DOCK10: variants seen among roughly 807,000 people sequenced by gnomAD.
The protein encoded by DOCK10 is dedicator of cytokinesis protein 10.
A neutral mutation model predicts 280.1 loss-of-function variants in DOCK10; 145 were observed. That is an observed-to-expected ratio of 0.52 (90% CI 0.45 to 0.59). The LOEUF (loss-of-function observed/expected upper bound fraction) is 0.59. Among genes scored for constraint, DOCK10 ranks in the 20% least tolerant of loss-of-function variants. The probability of loss-of-function intolerance (pLI) is 0.00; values close to 1 mark genes in which losing one functional copy is unlikely to be tolerated. For synonymous variants in DOCK10, 915 were observed against 942.2 expected (o/e 0.97, Z 0.53); for missense variants, 2,368 against 2,651.7 (o/e 0.89, Z 2.35).
In DOCK10 at chr2:224,778,234, C is replaced by T. The variant is rs376017893; in HGVS notation, c.5706G>A (p.Lys1902=). 9 of 1,610,284 alleles carry T rather than the reference C, an allele frequency of 5.6e-6. No homozygotes were observed. Among genetic ancestry groups the T allele is most frequent in the Non-Finnish European group, 6.8e-6 (8 of 1,177,896 alleles). The part of the protein sequence containing the change: ...EGKEYIYKEP[K]LTGLSEISQR... ...GGGAAATCTCGGACAGACCTGTCAG[C>T]TTAGGCTCTTTATAAATATACTCTT... Residue 1902 remains lysine, a synonymous_variant, in exon 51 of 56, where the codon AAG becomes AAA. Coordinates refer to ENST00000258390, the MANE Select transcript of DOCK10 (RefSeq NM_014689.3).
rs1041567593 is a variant in DOCK10, at chr2:224,970,490, G to C, written c.124-38822C>G. Among the ~76,000 whole-genome samples the C allele has an allele frequency of 2.6e-5, 4 of 152,182 alleles. No homozygotes were observed. Among genetic ancestry groups the C allele is most frequent in the African/African-American group, 7.2e-5 (3 of 41,444 alleles). On this transcript the variant is annotated intron_variant, in intron 1 of 55. Coordinates refer to ENST00000258390, the MANE Select transcript of DOCK10 (RefSeq NM_014689.3). The surrounding 1 kb of genome is among the most constrained non-coding windows in gnomAD (Gnocchi z 4.6). ...ATTATATGATTCTGTTTCTGTTCTA[G>C]CACGACATTTCCGGATTCAGACTTC... is the stretch of plus-strand genomic sequence containing the variant.
chr2:225,002,383 C>T (rs993014061), intron 1 of DOCK10, among the ~76,000 whole-genome samples: 1 of 152,206 alleles, frequency 6.6e-6, no homozygotes, highest in Non-Finnish European at 1.5e-5. Flanking sequence ...TACCAAGTGG[C>T]ATGCTGAATA....
intron 4 of DOCK10, among the ~76,000 whole-genome samples, chr2:224,896,069 T>TA (rs1699970204): frequency 6.6e-6 from 1 of 152,108 alleles, no homozygotes; most frequent in Non-Finnish European, 1.5e-5. Flanking sequence ...AAAACTACAT[T>TA]AAAAAATTAA....
chr2:225,036,340 C>T (rs1382809998), intron 1 of DOCK10, among the ~76,000 whole-genome samples: 2 of 152,148 alleles, frequency 1.3e-5, no homozygotes, highest in African/African-American at 4.8e-5. Flanking sequence ...ATCCCATTTT[C>T]GTTTCTAAGT....
At chr2:224,787,206 A>G in intron 49 of DOCK10, 69 bp downstream of exon 49, 1 of 1,610,202 alleles carries the variant, frequency 6.2e-7, no homozygotes, top group Non-Finnish European at 8.5e-7. Flanking sequence ...TTAATTTTGA[A>G]AACTGTAAGT....
chr2:225,040,444 A>G (rs1196953432), intron 1 of DOCK10, among the ~76,000 whole-genome samples: 1 of 152,102 alleles, frequency 6.6e-6, no homozygotes, highest in Non-Finnish European at 1.5e-5. Flanking sequence ...TTTTAAAGAC[A>G]GCGAGCTTAT....
intron 45 of DOCK10, among the ~76,000 whole-genome samples, 153 bp downstream of exon 45, chr2:224,794,725 AT>A (rs1692435532): frequency 6.6e-6 from 1 of 152,208 alleles, no homozygotes; most frequent in Non-Finnish European, 1.5e-5. Flanking sequence ...TGAATGCTAT[AT>A]GGAAATGTAT....
chr2:224,832,007 T>C (rs1184614750), intron 26 of DOCK10, among the ~76,000 whole-genome samples: 1 of 152,146 alleles, frequency 6.6e-6, no homozygotes, highest in East Asian at 1.9e-4. Flanking sequence ...ACAAAGCTCA[T>C]CCCAGGATGG....
intron 18 of DOCK10, among the ~76,000 whole-genome samples, chr2:224,850,024 A>C (rs1696627440): frequency 6.6e-6 from 1 of 152,178 alleles, no homozygotes; most frequent in Admixed American, 6.5e-5. Flanking sequence ...TGTACCCAGC[A>C]TGGTGCTGGA....
chr2:225,009,458 A>T (rs1302349540), intron 1 of DOCK10, among the ~76,000 whole-genome samples: 4 of 152,228 alleles, frequency 2.6e-5, no homozygotes, highest in Non-Finnish European at 5.9e-5. Flanking sequence ...GCTTCAATCA[A>T]ATAAGAGATT....
At chr2:224,984,917 C>G (rs1025680131) in intron 1 of DOCK10, among the ~76,000 whole-genome samples, 1 of 150,162 alleles carries the variant, frequency 6.7e-6, no homozygotes, top group East Asian at 2.0e-4. Flanking sequence ...TCTTGGCTCA[C>G]TGCAACCTCG....
At chr2:224,978,199 C>G (rs1049372926) in intron 1 of DOCK10, among the ~76,000 whole-genome samples, 15 of 152,248 alleles carry the variant, frequency 9.9e-5, no homozygotes, top group Non-Finnish European at 8.8e-5. Flanking sequence ...CTTTGGGAGG[C>G]TGAGGCGAGT....
At chr2:225,036,461 G>C (rs1268743398) in intron 1 of DOCK10, among the ~76,000 whole-genome samples, 1 of 152,186 alleles carries the variant, frequency 6.6e-6, no homozygotes, top group Non-Finnish European at 1.5e-5. Flanking sequence ...CTGCAAAAGT[G>C]TGGCTAAAGA....
intron 1 of DOCK10, among the ~76,000 whole-genome samples, chr2:224,956,743 G>A (rs1704067134): frequency 6.6e-6 from 1 of 151,830 alleles, no homozygotes; most frequent in Admixed American, 6.6e-5. Flanking sequence ...GTTTTCTTAG[G>A]CAGAAAATCA....
intron 8 of DOCK10, among the ~76,000 whole-genome samples, chr2:224,875,402 CTT>C (rs1439637641): frequency 6.6e-6 from 1 of 152,166 alleles, no homozygotes; most frequent in African/African-American, 2.4e-5. Flanking sequence ...GAGTGACTGA[CTT>C]TGCTGGTGTT....
At chr2:224,847,310 G>T (rs902980471) in intron 19 of DOCK10, among the ~76,000 whole-genome samples, 1 of 152,208 alleles carries the variant, frequency 6.6e-6, no homozygotes, top group Non-Finnish European at 1.5e-5. Context: ...GGCTGCACAT[G>T]TTAGGGGGCT....
Position 224,805,276 on chromosome 2 carries a change from G to C in DOCK10, c.3981C>G (p.Asp1327Glu). Residue 1327 changes from aspartate (D) to glutamate (E), a missense_variant, in exon 36 of 56, where the codon GAC becomes GAG. This residue lies in a region of DOCK10 where 1,159 missense variants were observed against 1,400.8 expected (regional missense o/e 0.83). Transcript: ENST00000258390. This position sits in a 1 kb window ranked among gnomAD's most constrained non-coding sequence, Gnocchi z 4.3. ...TCCTGGTTTCTGCTTGATCTAACTT[G>C]TCAAATCGAAGAGTTGAGCCAATCA... ...LSLIGSTLRFDKLDQAETRSL... is the reference protein window; with the variant it reads ...LSLIGSTLRFEKLDQAETRSL... The C allele has an allele frequency of 6.2e-7, 1 of 1,613,152 alleles. No individual in the cohort carries two copies. Among genetic ancestry groups the C allele is most frequent in the Non-Finnish European group, 8.5e-7 (1 of 1,179,368 alleles).
At chr2:224,955,684 G>T (rs1233891761) in intron 1 of DOCK10, among the ~76,000 whole-genome samples, 2 of 152,242 alleles carry the variant, frequency 1.3e-5, no homozygotes, top group Admixed American at 6.5e-5. Flanking sequence ...TTGCAATCAA[G>T]AACTTTGTGT....
At chr2:224,779,210 G>A (rs1691112276) in intron 50 of DOCK10, among the ~76,000 whole-genome samples, 1 of 147,628 alleles carries the variant, frequency 6.8e-6, no homozygotes, top group Non-Finnish European at 1.5e-5. Flanking sequence ...AGAACCCAAG[G>A]ATATCTGGTT....
Sources: allele counts gnomAD v4.1 joint callset (sites outside exome capture counted in the v4.1 genomes callset), GRCh38; gene constraint gnomAD v4.1.1; regional missense constraint gnomAD v4.1.1; non-coding constraint Gnocchi (gnomAD v3.1); transcripts MANE v1.5; gene names NCBI Gene and HGNC (gene_info 2026-07-23, HGNC 2026-07-21).